TENM1: variants seen among roughly 807,000 people sequenced by gnomAD.
The protein encoded by TENM1 is teneurin transmembrane protein 1.
Under a neutral mutation model 174.8 loss-of-function variants are expected in TENM1, and 35 were observed. The observed-to-expected ratio is 0.20, with a 90% CI of 0.15 to 0.27. The LOEUF (loss-of-function observed/expected upper bound fraction) is 0.27, where lower values mean the gene tolerates loss of function less well. Among genes scored for constraint, TENM1 ranks in the 10% least tolerant of loss-of-function variants. The probability of loss-of-function intolerance (pLI) is 1.00; values close to 1 mark genes in which losing one functional copy is unlikely to be tolerated. For synonymous variants in TENM1, 781 were observed against 798.7 expected (o/e 0.98, Z 0.37); for missense variants, 1,633 against 2,130.1 (o/e 0.77, Z 4.59).
intron 1 of TENM1, among the ~76,000 whole-genome samples, chrX:124,915,975 G>C (rs2057916715): frequency 8.9e-6 from 1 of 111,866 alleles, no homozygotes; most frequent in Non-Finnish European, 1.9e-5. Context: ...CTCCATTTTA[G>C]CCTGGTGCTT....
At chrX:124,984,916 G>C in the TENM1 span, among the ~76,000 whole-genome samples, 1 of 112,388 alleles carries the variant, frequency 8.9e-6, no homozygotes, top group African/African-American at 3.2e-5. Context: ...CATTGTAGGA[G>C]TGCTGGAGAA....
intron 3 of TENM1, among the ~76,000 whole-genome samples, chrX:124,882,711 G>A (rs1197938398): frequency 8.9e-6 from 1 of 111,847 alleles, no homozygotes; most frequent in African/African-American, 3.3e-5. Flanking sequence ...AGCTTCATTA[G>A]GATTGCTTTG....
At chrX:124,628,255 G>A (rs1363140082) in intron 11 of TENM1, among the ~76,000 whole-genome samples, 16 of 110,584 alleles carry the variant, frequency 1.4e-4, no homozygotes, top group Non-Finnish European at 5.7e-5. Flanking sequence ...CCTTGGCGTT[G>A]GAATAGAATC....
chrX:124,550,828 T>G (rs1227785348), intron 14 of TENM1, among the ~76,000 whole-genome samples: 2 of 110,068 alleles, frequency 1.8e-5, no homozygotes, highest in African/African-American at 6.7e-5. Flanking sequence ...GCGTGATCTC[T>G]GCTCACTGCA....
intron 22 of TENM1, among the ~76,000 whole-genome samples, chrX:124,471,219 TA>T (rs1308649397): frequency 1.5e-4 from 7 of 45,814 alleles, no homozygotes; most frequent in African/African-American, 5.2e-4. Flanking sequence ...CTATATATTA[TA>T]ATATATAGTA....
intron 30 of TENM1, 125 bp from the exon 34 acceptor site, chrX:124,382,937 C>CTTATTTAT (rs2060175369): frequency 1.3e-5 from 2 of 154,173 alleles, no homozygotes; most frequent in African/African-American, 6.7e-5. Context: ...GAATAAAACT[C>CTTATTTAT]CTATTTATTT....
chrX:124,420,960 G>GA, intron 24 of TENM1, 139 bp from the exon 28 acceptor site: 1 of 540,806 alleles, frequency 1.8e-6, no homozygotes, highest in Non-Finnish European at 2.9e-6. Flanking sequence ...TTCCCTCCCT[G>GA]AAAAATATGA....
chrX:124,973,580 T>G, the TENM1 span, among the ~76,000 whole-genome samples: 9,418 of 111,088 alleles, frequency 0.085, 462 homozygotes, highest in Admixed American at 0.24. Context: ...CTTATTTCCT[T>G]GAGCAGTGGT....
the TENM1 span, among the ~76,000 whole-genome samples, chrX:125,024,721 C>A: frequency 2.7e-5 from 3 of 111,473 alleles, no homozygotes; most frequent in African/African-American, 9.8e-5. Flanking sequence ...ATCCATGTAA[C>A]AGAACTGTAT....
chrX:124,578,988 T>G (rs2049237392), intron 11 of TENM1, among the ~76,000 whole-genome samples: 1 of 112,314 alleles, frequency 8.9e-6, no homozygotes, highest in Non-Finnish European at 1.9e-5. Flanking sequence ...TTTGTGTCCT[T>G]TAATTCTGCC....
chrX:124,955,205 G>A (rs1303601877), intron 1 of TENM1, among the ~76,000 whole-genome samples: 2 of 110,952 alleles, frequency 1.8e-5, no homozygotes, highest in Non-Finnish European at 3.8e-5. Context: ...TTTTAAGGCA[G>A]TGGATCCCTA....
chrX:125,190,735 T>C, the TENM1 span, among the ~76,000 whole-genome samples: 2 of 111,265 alleles, frequency 1.8e-5, no homozygotes, highest in African/African-American at 3.3e-5. Context: ...TTTTTGTTTT[T>C]TTAATGGTTT....
intron 3 of TENM1, among the ~76,000 whole-genome samples, chrX:124,742,536 TTTATC>T (rs2053824067): frequency 9.0e-6 from 1 of 111,605 alleles, no homozygotes; most frequent in African/African-American, 3.3e-5. Context: ...TCTTCATTTA[TTTATC>T]TTATTTTGTG....
intron 15 of TENM1, among the ~76,000 whole-genome samples, chrX:124,530,781 G>T (rs1391933378): frequency 8.9e-6 from 1 of 111,936 alleles, no homozygotes; most frequent in Non-Finnish European, 1.9e-5. Flanking sequence ...TTAAACAAAT[G>T]AGTCCCATCC....
the TENM1 span, among the ~76,000 whole-genome samples, chrX:125,182,447 G>A: frequency 2.4e-5 from 2 of 83,946 alleles, no homozygotes; most frequent in Non-Finnish European, 4.4e-5. Flanking sequence ...ACATCTTTTC[G>A]GCGGGCGGGG....
At chrX:124,646,211 C>T (rs1212664072) in intron 9 of TENM1, among the ~76,000 whole-genome samples, 1 of 112,441 alleles carries the variant, frequency 8.9e-6, no homozygotes, top group African/African-American at 3.2e-5. Context: ...AGTTTGACTT[C>T]TGACTTTCCA....
chrX:125,018,999 A>G, the TENM1 span, among the ~76,000 whole-genome samples: 4 of 112,118 alleles, frequency 3.6e-5, no homozygotes, highest in African/African-American at 1.3e-4. Context: ...GGTTTGTGTT[A>G]TACTGAAAAT....
At chrX:124,467,679 A>G (rs2061254397) in intron 22 of TENM1, among the ~76,000 whole-genome samples, 1 of 112,161 alleles carries the variant, frequency 8.9e-6, no homozygotes, top group Non-Finnish European at 1.9e-5. Flanking sequence ...TTAAAACAAA[A>G]CAAAACAAAA....
the TENM1 span, among the ~76,000 whole-genome samples, chrX:125,199,645 T>G: frequency 2.7e-5 from 3 of 111,507 alleles, no homozygotes; most frequent in African/African-American, 9.8e-5. Context: ...AGTTGTAAAT[T>G]ATCCAAGATT....
Sources: gnomAD v4.1 joint callset for allele counts (sites outside exome capture counted in the v4.1 genomes callset) on GRCh38, gnomAD v4.1.1 for gene constraint, MANE v1.5 for transcripts, NCBI Gene and HGNC (gene_info 2026-07-23, HGNC 2026-07-21) for gene names.